MAPRE2: variants seen among roughly 807,000 people sequenced by gnomAD.
MAPRE2 encodes the protein microtubule-associated protein RP/EB family member 2.
In MAPRE2, 13 loss-of-function variants were observed where a neutral mutation model predicts 43.2. The observed-to-expected ratio is 0.30, with a 90% CI of 0.20 to 0.48. The LOEUF (loss-of-function observed/expected upper bound fraction) is 0.48, where lower values mean the gene tolerates loss of function less well. MAPRE2 is among the 20% of genes least tolerant of loss of function. The pLI, the probability that MAPRE2 is intolerant of heterozygous loss-of-function variation, is 0.99. For missense variants in MAPRE2, 161 were observed against 400.2 expected, an observed-to-expected ratio of 0.40 and a Z score of 5.10; for synonymous variants, 135 against 148.8, an observed-to-expected ratio of 0.91 and a Z score of 0.68.
chr18:35,030,785 T>C (rs753640757), intron 2 of MAPRE2, among the ~76,000 whole-genome samples: 1 of 152,000 alleles, frequency 6.6e-6, no homozygotes, highest in Non-Finnish European at 1.5e-5. Flanking sequence ...GTGATCTTTC[T>C]GACCTTATCT....
intron 2 of MAPRE2, among the ~76,000 whole-genome samples, chr18:35,009,474 G>A (rs979916851): frequency 1.3e-5 from 2 of 152,308 alleles, no homozygotes; most frequent in African/African-American, 2.4e-5. Flanking sequence ...GGATGAATGC[G>A]AGTTTCCCCT....
At chr18:34,992,525 A>G (rs1415045851) in intron 1 of MAPRE2, among the ~76,000 whole-genome samples, 1 of 152,192 alleles carries the variant, frequency 6.6e-6, no homozygotes, top group Non-Finnish European at 1.5e-5. Flanking sequence ...AGCATCCTAC[A>G]TAACTTTACC....
At chr18:35,004,222 T>C (rs2097030701) in intron 1 of MAPRE2, among the ~76,000 whole-genome samples, 2 of 152,204 alleles carry the variant, frequency 1.3e-5, no homozygotes, top group Admixed American at 6.5e-5. Context: ...ATAATAATTC[T>C]ACCAGCAACA....
At chr18:35,070,961 G>A (rs1290596176) in intron 2 of MAPRE2, among the ~76,000 whole-genome samples, 2 of 152,056 alleles carry the variant, frequency 1.3e-5, no homozygotes, top group African/African-American at 2.4e-5. Flanking sequence ...CCCCAGCCTC[G>A]CAGGCTCCGT....
intron 2 of MAPRE2, among the ~76,000 whole-genome samples, chr18:35,019,062 T>TA (rs397791836): frequency 1.3e-5 from 2 of 151,636 alleles, no homozygotes; most frequent in Admixed American, 6.6e-5. Context: ...AATTTTTTTT[T>TA]ATTTCTGCCT....
rs200661045 is a variant in MAPRE2, at chr18:35,095,392, A to ACACG, written c.251-2051_251-2050insGCAC. Among the ~76,000 whole-genome samples, 421 of 149,634 alleles carry ACACG rather than the reference A, an allele frequency of 2.8e-3. 2 individuals carry two copies. The highest frequency in any genetic ancestry group is 0.01 in the African/African-American group (402 of 39,782). On this transcript the variant is annotated intron_variant, in intron 2 of 6. Coordinates refer to ENST00000300249, the MANE Select transcript of MAPRE2 (RefSeq NM_014268.4). ...CACACACACACACACACACACACAC[A>ACACG]CACACACACGCACACACACACTCCT... is the stretch of plus-strand genomic sequence containing the variant.
At chr18:35,100,247 C>A (rs575863089) in intron 3 of MAPRE2, among the ~76,000 whole-genome samples, 2 of 152,114 alleles carry the variant, frequency 1.3e-5, no homozygotes, top group Non-Finnish European at 2.9e-5. Flanking sequence ...TAGCTAGATA[C>A]CTTTCCATTT....
At chr18:34,982,280 T>G (rs769081147) in intron 1 of MAPRE2, among the ~76,000 whole-genome samples, 4 of 152,170 alleles carry the variant, frequency 2.6e-5, no homozygotes, top group Admixed American at 6.5e-5. Context: ...TAATAAGTTC[T>G]TCAAGTCTTT....
intron 1 of MAPRE2, among the ~76,000 whole-genome samples, chr18:35,064,465 A>C (rs965141823): frequency 5.3e-5 from 8 of 152,178 alleles, no homozygotes; most frequent in African/African-American, 1.9e-4. Flanking sequence ...GCAGAGAGAC[A>C]AAATGAATTA....
intron 2 of MAPRE2, among the ~76,000 whole-genome samples, chr18:35,009,649 C>T (rs533922558): frequency 6.1e-4 from 93 of 152,282 alleles, no homozygotes; most frequent in Non-Finnish European, 1.2e-3. Context: ...TTGACAGTCC[C>T]CTAAATGAGT....
intron 2 of MAPRE2, among the ~76,000 whole-genome samples, chr18:35,010,940 T>C (rs2097034251): frequency 6.6e-6 from 1 of 152,204 alleles, no homozygotes; most frequent in Non-Finnish European, 1.5e-5. Flanking sequence ...TATACTATTA[T>C]AAGATTTTTT....
At chr18:34,985,662 TATA>T (rs1301364025) in intron 1 of MAPRE2, among the ~76,000 whole-genome samples, 6 of 101,144 alleles carry the variant, frequency 5.9e-5, no homozygotes, top group African/African-American at 2.2e-4. Flanking sequence ...TATGATATAT[TATA>T]ATAATATATA....
intron 2 of MAPRE2, among the ~76,000 whole-genome samples, chr18:35,033,058 A>G (rs12232655): frequency 0.1 from 15,228 of 152,102 alleles, 845 homozygotes; most frequent in East Asian, 0.21. Context: ...AGTGGTCACC[A>G]AAAAAGAGAA....
intron 2 of MAPRE2, among the ~76,000 whole-genome samples, chr18:35,095,422 A>G (rs913285013): frequency 3.3e-5 from 5 of 150,754 alleles, no homozygotes; most frequent in African/African-American, 1.2e-4. Flanking sequence ...ACTCCTTTCC[A>G]AAGAGGATTA....
At position 35,014,131 on chromosome 18, in the gene MAPRE2, T is replaced by C. The variant is rs75578657; in HGVS notation, c.-8+8578T>C. 1.4e-3 allele frequency among the ~76,000 whole-genome samples: 218 copies of C among 152,222 alleles called. 7 individuals are homozygous for C. The East Asian group carries it at 0.038, about 27-fold the overall frequency. On this transcript the variant is annotated intron_variant, in intron 2 of 7. Coordinates refer to the MAPRE2 transcript ENST00000413393. ...CAATCCTTTAGGTAAATATGTAGGT[T>C]TGGGGACAGAAAAGTTAAATTCTGG...
chr18:35,035,874 G>A lies in MAPRE2; in HGVS notation c.-8+30321G>A, dbSNP rs535650538. ...CTTCTCTTTCCCCCTGAATGAGAGCGCTCACAGCTGTAATGACCACCTGTT... is the reference window on the plus strand; with the variant it reads ...CTTCTCTTTCCCCCTGAATGAGAGCACTCACAGCTGTAATGACCACCTGTT... On this transcript the variant is annotated intron_variant, in intron 2 of 7. Transcript: ENST00000413393. Among the ~76,000 whole-genome samples the A allele has an allele frequency of 5.8e-4, 77 of 131,894 alleles. 2 individuals are homozygous for A. The highest frequency in any genetic ancestry group is 1.9e-3 in the African/African-American group (66 of 35,504). 86.5% of individuals were successfully genotyped at this position (131,894 alleles called of 152,430 possible).
upstream of MAPRE2, chr18:35,041,339 T>A (rs1264574234): frequency 2.1e-6 from 3 of 1,435,632 alleles, no homozygotes; most frequent in Non-Finnish European, 2.7e-6. Context: ...GTGACCAGGG[T>A]GCTGCTGCCG....
chr18:35,071,405 T>C lies in MAPRE2; in HGVS notation c.250+1083T>C, dbSNP rs541797855. On this transcript the variant is annotated intron_variant, in intron 2 of 6. Coordinates refer to ENST00000300249, the MANE Select transcript of MAPRE2 (RefSeq NM_014268.4). Reference sequence around the variant, plus strand: ...CTAAAACAAAACAAAACAAAAAATATGCTGCTAGTAAATTAATTCATTCTT... The same window carrying C: ...CTAAAACAAAACAAAACAAAAAATACGCTGCTAGTAAATTAATTCATTCTT... Among the ~76,000 whole-genome samples, 28 of 152,214 alleles carry C rather than the reference T, an allele frequency of 1.8e-4. No homozygotes were observed. The South Asian group carries it at 5.8e-3, about 32-fold the overall frequency.
rs572664277 is a variant in MAPRE2, at chr18:35,070,795, A to G, written c.250+473A>G. 2.8e-3 allele frequency among the ~76,000 whole-genome samples: 421 copies of G among 152,060 alleles called. 3 individuals carry two copies. Among genetic ancestry groups the G allele is most frequent in the South Asian group, 5.0e-3 (24 of 4,798 alleles). ...CTCTCCCTTATACCTCAGACCCACA[A>G]TATAATCTTTGTTCCCTAAAGACTC... On this transcript the variant is annotated intron_variant, in intron 2 of 6. Transcript: ENST00000300249.
Sources: allele counts gnomAD v4.1 joint callset (sites outside exome capture counted in the v4.1 genomes callset), GRCh38; gene constraint gnomAD v4.1.1; transcripts MANE v1.5; gene names NCBI Gene and HGNC (gene_info 2026-07-23, HGNC 2026-07-21).